Variants in COX5A observed in about 807,000 individuals in gnomAD.
The protein encoded by COX5A is cytochrome c oxidase subunit 5A.
COX5A carries 6 observed loss-of-function variants against 16.1 expected under a neutral mutation model. The observed-to-expected ratio is 0.37, with a 90% CI of 0.20 to 0.73. The LOEUF (loss-of-function observed/expected upper bound fraction) is 0.73, where lower values mean the gene tolerates loss of function less well. Among genes scored for constraint, COX5A ranks in the 30% least tolerant of loss-of-function variants. The probability of loss-of-function intolerance (pLI) is 0.50; values close to 1 mark genes in which losing one functional copy is unlikely to be tolerated. For synonymous variants in COX5A, 73 were observed against 73.8 expected (o/e 0.99, Z 0.06); for missense variants, 159 against 194.9 (o/e 0.82, Z 1.10).
intron 1 of COX5A, among the ~76,000 whole-genome samples, chr15:74,932,652 A>C (rs535973910): frequency 6.6e-6 from 1 of 152,184 alleles, no homozygotes; most frequent in East Asian, 1.9e-4. Context: ...CCCAGAATGA[A>C]GTGGAACATG....
chr15:74,937,450 G>C (rs961584951), intron 1 of COX5A, among the ~76,000 whole-genome samples: 16 of 152,194 alleles, frequency 1.1e-4, no homozygotes, highest in Admixed American at 5.9e-4. Flanking sequence ...ATCGCTAACC[G>C]AGAAATGCCT....
chr15:74,937,890 G>A (rs2065399219), intron 1 of COX5A, 25 bp downstream of exon 1: 4 of 1,213,724 alleles, frequency 3.3e-6, no homozygotes, highest in South Asian at 4.2e-5. Flanking sequence ...ACGAGGGCGC[G>A]GGCAGTGGCA....
intron 2 of COX5A, 65 bp from the exon 3 acceptor site, chr15:74,926,952 A>G: frequency 6.5e-7 from 1 of 1,539,414 alleles, no homozygotes; most frequent in Non-Finnish European, 8.8e-7. Flanking sequence ...TGAGTTATTT[A>G]TATTTTTACT....
chr15:74,922,796 G>C (rs1054422932), intron 4 of COX5A, among the ~76,000 whole-genome samples: 1 of 151,588 alleles, frequency 6.6e-6, no homozygotes, highest in East Asian at 2.0e-4. Context: ...CTCCCGAGTA[G>C]CTGGGACTAC....
At chr15:74,927,405 G>C (rs980360055) in intron 2 of COX5A, among the ~76,000 whole-genome samples, 15 of 152,010 alleles carry the variant, frequency 9.9e-5, no homozygotes, top group Non-Finnish European at 1.6e-4. Context: ...TTGAACTCCT[G>C]ACCTCGTGAT....
chr15:74,937,664 GC>G, intron 1 of COX5A: 1 of 314,046 alleles, frequency 3.2e-6, no homozygotes, highest in Non-Finnish European at 5.8e-6. Flanking sequence ...CCTCCTCGGC[GC>G]CCACAGCAGG....
chr15:74,935,202 G>A (rs1336725130), intron 1 of COX5A, among the ~76,000 whole-genome samples: 1 of 152,168 alleles, frequency 6.6e-6, no homozygotes, highest in East Asian at 1.9e-4. Context: ...GGCTGAGGTG[G>A]AAGGATGGCT....
Position 74,920,050 on chromosome 15 carries a change from AAGCCT to A in COX5A, c.*397_*401del, listed in dbSNP as rs1180207457. 3.4e-5 allele frequency: 11 copies of A among 319,186 alleles called. No individual in the cohort carries two copies. The highest frequency in any genetic ancestry group is 5.6e-5 in the Non-Finnish European group (10 of 177,032). The allele number at this position is 319,186 out of a possible 1,614,324, so 19.8% of individuals were successfully genotyped here. On this transcript the variant is annotated 3_prime_UTR_variant, in exon 5 of 5. Coordinates refer to ENST00000322347, the MANE Select transcript of COX5A (RefSeq NM_004255.4). ...TATCCCCACAGACAACCAGTCCCCT[AAGCCT>A]AGGGTGTCAACAAGAAAATTCTATA...
At chr15:74,930,739 C>T (rs1432981799) in intron 1 of COX5A, among the ~76,000 whole-genome samples, 3 of 145,976 alleles carry the variant, frequency 2.1e-5, no homozygotes, top group African/African-American at 5.0e-5. Flanking sequence ...AATCTCGGGC[C>T]GGGCTTGGTG....
At chr15:74,936,192 G>A (rs1360777761) in intron 1 of COX5A, among the ~76,000 whole-genome samples, 4 of 152,110 alleles carry the variant, frequency 2.6e-5, no homozygotes, top group South Asian at 2.1e-4. Flanking sequence ...TCCGGAGGCT[G>A]AGGCAGGAGA....
intron 1 of COX5A, among the ~76,000 whole-genome samples, chr15:74,937,212 GA>G (rs1431047811): frequency 6.6e-6 from 1 of 152,022 alleles, no homozygotes; most frequent in Non-Finnish European, 1.5e-5. Flanking sequence ...TTACAAAGGG[GA>G]AAAAACACGA....
rs1555407299 is a variant in COX5A, at chr15:74,935,608, A to AAAAT, written c.100+2303_100+2306dup. Among the ~76,000 whole-genome samples the AAAAT allele has an allele frequency of 4.6e-4, 67 of 147,178 alleles. 1 individual carries two copies. The highest frequency in any genetic ancestry group is 6.4e-4 in the South Asian group (3 of 4,698). On this transcript the variant is annotated intron_variant, in intron 1 of 4. Transcript: ENST00000322347. ...ACAGTGAGACTATCACCAAAAAAAA[A>AAAAT]AAATAAATAAATAAATAAATAAAAA...
At chr15:74,925,381 T>A (rs1381988376) in intron 3 of COX5A, among the ~76,000 whole-genome samples, 7 of 152,118 alleles carry the variant, frequency 4.6e-5, no homozygotes, top group Non-Finnish European at 8.8e-5. Context: ...TATGTTTTCA[T>A]ATAATGTATA....
At chr15:74,937,377 G>A (rs527928479) in intron 1 of COX5A, among the ~76,000 whole-genome samples, 11 of 152,214 alleles carry the variant, frequency 7.2e-5, no homozygotes, top group African/African-American at 2.7e-4. Flanking sequence ...AAACGTGGAA[G>A]AATTAGAACG....
At chr15:74,932,750 G>A (rs2065372841) in intron 1 of COX5A, among the ~76,000 whole-genome samples, 1 of 150,704 alleles carries the variant, frequency 6.6e-6, no homozygotes, top group African/African-American at 2.4e-5. Context: ...AGGCTGGAGT[G>A]CAATGGCACG....
At chr15:74,927,919 G>C (rs1272675717) in intron 2 of COX5A, among the ~76,000 whole-genome samples, 1 of 152,194 alleles carries the variant, frequency 6.6e-6, no homozygotes, top group African/African-American at 2.4e-5. Flanking sequence ...TTAGTACACA[G>C]ACTCATAAAC....
intron 4 of COX5A, among the ~76,000 whole-genome samples, chr15:74,923,193 A>G (rs1204709229): frequency 6.6e-6 from 1 of 152,068 alleles, no homozygotes; most frequent in Admixed American, 6.6e-5. Context: ...TGGGAGGCCA[A>G]GGCAGGTGGA....
intron 1 of COX5A, among the ~76,000 whole-genome samples, chr15:74,933,274 C>A (rs1183566265): frequency 1.3e-5 from 2 of 151,754 alleles, no homozygotes; most frequent in Admixed American, 1.3e-4. Flanking sequence ...ATTAGCCAGG[C>A]GTGGTGGCAC....
intron 1 of COX5A, among the ~76,000 whole-genome samples, chr15:74,936,691 A>C (rs2065391818): frequency 7.6e-6 from 1 of 132,438 alleles, no homozygotes. Flanking sequence ...CAATGGCGCG[A>C]TTTCGGCTCA....
Sources: gnomAD v4.1 joint callset for allele counts (sites outside exome capture counted in the v4.1 genomes callset) on GRCh38, gnomAD v4.1.1 for gene constraint, MANE v1.5 for transcripts, NCBI Gene and HGNC (gene_info 2026-07-23, HGNC 2026-07-21) for gene names.